ME1: variants seen among roughly 807,000 people sequenced by gnomAD.
ME1 encodes the protein malic enzyme 1.
A neutral mutation model predicts 66.4 loss-of-function variants in ME1; 74 were observed. The ratio of observed to expected loss-of-function variants is 1.11; its 90% CI spans 0.92 to 1.35. The LOEUF (loss-of-function observed/expected upper bound fraction) is 1.35. ME1 is among the 40% of genes most tolerant of loss of function. The pLI is 0.00. For missense variants in ME1, 750 were observed against 694.1 expected, an observed-to-expected ratio of 1.08 and a Z score of -0.90; for synonymous variants, 251 against 235.6, an observed-to-expected ratio of 1.07 and a Z score of -0.60.
intron 1 of ME1, 68 bp from the exon 2 acceptor site, chr6:83,407,969 A>ATGCAAT: frequency 6.7e-7 from 1 of 1,485,966 alleles, no homozygotes; most frequent in African/African-American, 1.4e-5. Context: ...AAGCATACAT[A>ATGCAAT]TAAAATCTGA....
At chr6:83,427,800 G>A (rs1055454327) in intron 1 of ME1, among the ~76,000 whole-genome samples, 2 of 152,102 alleles carry the variant, frequency 1.3e-5, no homozygotes, top group Admixed American at 6.5e-5. Flanking sequence ...ATCACTTAAG[G>A]TCAGGAGTTT....
intron 5 of ME1, among the ~76,000 whole-genome samples, chr6:83,344,699 C>T (rs144097589): frequency 7.6e-4 from 115 of 151,892 alleles, no homozygotes; most frequent in Admixed American, 1.4e-3. Flanking sequence ...CTGGCTAACA[C>T]GGTGAAACAC....
At chr6:83,252,626 A>C (rs1226922341) in intron 7 of ME1, among the ~76,000 whole-genome samples, 2 of 152,166 alleles carry the variant, frequency 1.3e-5, no homozygotes, top group Admixed American at 6.6e-5. Flanking sequence ...ATAGACCTGG[A>C]ATACAAAGAA....
At chr6:83,411,509 G>T (rs571867249) in intron 1 of ME1, among the ~76,000 whole-genome samples, 1 of 152,112 alleles carries the variant, frequency 6.6e-6, no homozygotes, top group Admixed American at 6.5e-5. Flanking sequence ...TTTCTTTAAA[G>T]CCACAGTTTC....
intron 1 of ME1, among the ~76,000 whole-genome samples, chr6:83,425,403 G>A (rs1770350056): frequency 6.6e-6 from 1 of 152,140 alleles, no homozygotes; most frequent in African/African-American, 2.4e-5. Context: ...AAAGAAAGAT[G>A]CTTAATTGAC....
rs1189677561 is a variant in ME1 at position 83,430,965 on chromosome 6, G to A, written c.-11C>T. On this transcript the variant is annotated 5_prime_UTR_variant, in exon 1 of 14. Coordinates refer to ENST00000369705, the MANE Select transcript of ME1 (RefSeq NM_002395.6). Reference sequence around the variant, plus strand: ...GGCTTCGGGCTCCATGGCTGGCGCCGGGTTCGGCGGCGGGGTCAGGCCGGG... The same window carrying A: ...GGCTTCGGGCTCCATGGCTGGCGCCAGGTTCGGCGGCGGGGTCAGGCCGGG... The A allele has an allele frequency of 1.9e-6, 3 of 1,541,666 alleles. No individual in the cohort carries two copies. Among genetic ancestry groups the A allele is most frequent in the Admixed American group, 2.0e-5 (1 of 49,642 alleles).
At chr6:83,325,026 G>T (rs1775783) in intron 5 of ME1, among the ~76,000 whole-genome samples, 7 of 151,798 alleles carry the variant, frequency 4.6e-5, no homozygotes, top group Admixed American at 2.6e-4. Context: ...ATGATCAAGT[G>T]GGCTTCATCC....
chr6:83,301,454 T>C (rs571538321), intron 6 of ME1, among the ~76,000 whole-genome samples: 1 of 152,184 alleles, frequency 6.6e-6, no homozygotes, highest in South Asian at 2.1e-4. Context: ...GCGATTCTCC[T>C]GCCTCAGCCT....
In ME1 at chr6:83,211,700, T is replaced by A; in HGVS notation, c.*224A>T. 1 of 350,644 alleles carries A rather than the reference T, an allele frequency of 2.9e-6. No homozygotes were observed. Among genetic ancestry groups the A allele is most frequent in the Non-Finnish European group, 5.1e-6 (1 of 195,956 alleles). 21.7% of individuals were successfully genotyped at this position (350,644 alleles called of 1,614,324 possible). ...GCTTTTAAAGAGAACGTAGGCAGAA[T>A]AATTCAGACAGAAACCATAAATAAC... is the stretch of plus-strand genomic sequence containing the variant. On this transcript the variant is annotated 3_prime_UTR_variant, in exon 14 of 14. Coordinates refer to ENST00000369705, the MANE Select transcript of ME1 (RefSeq NM_002395.6).
At chr6:83,256,153 T>A (rs895505418) in intron 6 of ME1, among the ~76,000 whole-genome samples, 13 of 152,160 alleles carry the variant, frequency 8.5e-5, no homozygotes, top group African/African-American at 3.1e-4. Context: ...GTTCTGTGCC[T>A]CTGATTTCCT....
At chr6:83,399,071 G>A (rs1321585272) in intron 2 of ME1, among the ~76,000 whole-genome samples, 1 of 152,028 alleles carries the variant, frequency 6.6e-6, no homozygotes, top group Non-Finnish European at 1.5e-5. Flanking sequence ...TTGGCTCACT[G>A]CAACCTCTGT....
At chr6:83,340,918 T>C (rs1562485065) in intron 5 of ME1, among the ~76,000 whole-genome samples, 2 of 152,148 alleles carry the variant, frequency 1.3e-5, no homozygotes. Context: ...TATATTTCTA[T>C]TTATTCTGTG....
In ME1 at chr6:83,256,736, G is replaced by A. The variant is rs557999844; in HGVS notation, c.705-2998C>T. On this transcript the variant is annotated intron_variant, in intron 6 of 13. Coordinates refer to ENST00000369705, the MANE Select transcript of ME1 (RefSeq NM_002395.6). ...AAACCATTCTACTATAAAGACACAC[G>A]CACATGTATGTTTATTGTGGGACTA... is the stretch of plus-strand genomic sequence containing the variant. Among the ~76,000 whole-genome samples, 8 of 152,174 alleles carry A rather than the reference G, an allele frequency of 5.3e-5. No individual in the cohort carries two copies. In the South Asian group the frequency reaches 6.2e-4, roughly 12 times the overall value.
chr6:83,299,954 C>T (rs1169416334), intron 6 of ME1, among the ~76,000 whole-genome samples: 4 of 152,166 alleles, frequency 2.6e-5, no homozygotes, highest in African/African-American at 9.7e-5. Flanking sequence ...ATGAAACCGA[C>T]TTGAATGCGG....
chr6:83,377,782 T>G (rs1405004845), intron 3 of ME1, among the ~76,000 whole-genome samples: 2 of 152,136 alleles, frequency 1.3e-5, no homozygotes, highest in Non-Finnish European at 2.9e-5. Flanking sequence ...GGATTGGTGT[T>G]TAGAAAGTAT....
In ME1 at chr6:83,313,987, T is replaced by C. The variant is rs563261065; in HGVS notation, c.704+1323A>G. ...TAAAACTTCTTAAAAATAAACATTA[T>C]AATAAAAAGAAACCAGAAGTGCATC... On this transcript the variant is annotated intron_variant, in intron 6 of 13. Coordinates refer to ENST00000369705, the MANE Select transcript of ME1 (RefSeq NM_002395.6). Among the ~76,000 whole-genome samples the C allele has an allele frequency of 2.0e-5, 3 of 152,224 alleles. No individual in the cohort carries two copies. The East Asian group carries it at 5.8e-4, about 29-fold the overall frequency.
intron 5 of ME1, among the ~76,000 whole-genome samples, chr6:83,325,742 C>T (rs1562481635): frequency 6.6e-6 from 1 of 152,022 alleles, no homozygotes; most frequent in Non-Finnish European, 1.5e-5. Flanking sequence ...AAAAACCTTC[C>T]ATGCTCATGG....
At chr6:83,370,055 G>A (rs935565960) in intron 3 of ME1, among the ~76,000 whole-genome samples, 1 of 152,054 alleles carries the variant, frequency 6.6e-6, no homozygotes, top group East Asian at 1.9e-4. Flanking sequence ...AAGAGTTTAA[G>A]AATCTACATC....
intron 1 of ME1, among the ~76,000 whole-genome samples, chr6:83,428,897 C>G (rs1411934555): frequency 6.6e-6 from 1 of 152,110 alleles, no homozygotes; most frequent in Non-Finnish European, 1.5e-5. Flanking sequence ...CTTTGTGATA[C>G]TATTATTCTG....
Sources: allele counts gnomAD v4.1 joint callset (sites outside exome capture counted in the v4.1 genomes callset), GRCh38; gene constraint gnomAD v4.1.1; transcripts MANE v1.5; gene names NCBI Gene and HGNC (gene_info 2026-07-23, HGNC 2026-07-21).